WDR24: variants seen among roughly 807,000 people sequenced by gnomAD.
WDR24 encodes the protein WD repeat domain 24.
In WDR24, 32 loss-of-function variants were observed where a neutral mutation model predicts 66.7. That is an observed-to-expected ratio of 0.48 (90% CI 0.36 to 0.64). The LOEUF (loss-of-function observed/expected upper bound fraction) is 0.64, where lower values mean the gene tolerates loss of function less well. WDR24 is among the 30% of genes least tolerant of loss of function. The pLI is 0.00. For synonymous variants in WDR24, 565 were observed against 469.1 expected (o/e 1.20, Z -2.64); for missense variants, 978 against 1,144.1 (o/e 0.85, Z 2.09).
chr16:690,340 G>A lies in WDR24; in HGVS notation c.-700C>T. On this transcript the variant is annotated 5_prime_UTR_variant, in exon 1 of 9. Coordinates refer to ENST00000293883, the MANE Select transcript of WDR24 (RefSeq NM_032259.4). ...GCCCGGGGCAGCCCTTCTCCCCCGC[G>A]CGAACCCCAATCTTTTACTAAAAGC... is the stretch of plus-strand genomic sequence containing the variant. The A allele has an allele frequency of 2.2e-6, 1 of 456,366 alleles. No individual in the cohort carries two copies. The highest frequency in any genetic ancestry group is 1.5e-5 in the South Asian group (1 of 64,562). The allele number at this position is 456,366 out of a possible 1,614,324, so 28.3% of individuals were successfully genotyped here. A position where few individuals can be genotyped will look rare whatever the true frequency, so the allele number is the denominator to read the frequency against.
In WDR24 at chr16:685,432, G is replaced by C; in HGVS notation, c.1844C>G (p.Ser615Trp). 6.2e-7 allele frequency: 1 copy of C among 1,610,532 alleles called. No homozygotes were observed. ...ASLAPVDSSF[S>W]LLSVSHALYD... is the part of the protein sequence containing the mutation. Reference sequence around the variant, plus strand: ...GAGCGCGTGTGAGACAGACAGGAGCGAGAAGGAGGAGTCCACGGGGGCCAG... The same window carrying C: ...GAGCGCGTGTGAGACAGACAGGAGCCAGAAGGAGGAGTCCACGGGGGCCAG... Residue 615 changes from serine (S) to tryptophan (W), a missense_variant, in exon 7 of 9, where the codon TCG (serine) becomes TGG (tryptophan). Ser to Trp is a radical substitution (Grantham distance 177). Coordinates refer to ENST00000293883, the MANE Select transcript of WDR24 (RefSeq NM_032259.4).
At chr16:688,272 C>T (rs896929885) in intron 1 of WDR24, among the ~76,000 whole-genome samples, 9 of 152,100 alleles carry the variant, frequency 5.9e-5, no homozygotes, top group South Asian at 2.1e-4. Context: ...CCTCCAGGGC[C>T]CTGCAGGGGA....
At position 686,171 on chromosome 16, in the gene WDR24, TCCA is replaced by T; in HGVS notation, c.1345_1347del (p.Trp449del). Reference sequence around the variant, plus strand: ...CTGCAGTAGATGATCCGCAGCATGGTCCACGTTTGCGCCACCTAGGGGCGGGCA... The same window carrying T: ...CTGCAGTAGATGATCCGCAGCATGGTCGTTTGCGCCACCTAGGGGCGGGCA... On this transcript the variant is annotated inframe_deletion, in exon 4 of 9. Coordinates refer to ENST00000293883, the MANE Select transcript of WDR24 (RefSeq NM_032259.4). The T allele has an allele frequency of 2.5e-6, 4 of 1,612,840 alleles. No individual in the cohort carries two copies. The highest frequency in any genetic ancestry group is 3.4e-6 in the Non-Finnish European group (4 of 1,179,948).
Position 687,658 on chromosome 16 carries a change from A to G in WDR24, c.563T>C (p.Val188Ala), listed in dbSNP as rs781286465. ...GGGACGCCGGATGTCCCAGAGCTGC[A>G]CATTGCCGTTCTCAAAGGTGGAGGC... ...TFASTFENGN[V>A]QLWDIRRPDR... The change falls in exon 2 of 9, where the codon GTG (valine) becomes GCG (alanine). Residue 188 changes from valine (V) to alanine (A), a missense_variant. Val to Ala is a moderately conservative substitution (Grantham distance 64). This residue lies in a region of WDR24 where 302 missense variants were observed against 526.6 expected (regional missense o/e 0.57). Coordinates refer to ENST00000293883, the MANE Select transcript of WDR24 (RefSeq NM_032259.4). 1 of 1,613,664 alleles carries G rather than the reference A, an allele frequency of 6.2e-7. No homozygotes were observed. The highest frequency in any genetic ancestry group is 1.7e-5 in the Admixed American group (1 of 60,022).
chr16:688,309 C>T lies in WDR24; in HGVS notation c.482-570G>A, dbSNP rs767054390. ...GCAGCTCAGGATCTGTCTTTTTAGA[C>T]GGAGTCTCCCTCTGTCACCCAGGCT... On this transcript the variant is annotated intron_variant, in intron 1 of 8. Coordinates refer to ENST00000293883, the MANE Select transcript of WDR24 (RefSeq NM_032259.4). Among the ~76,000 whole-genome samples, 123 of 152,148 alleles carry T rather than the reference C, an allele frequency of 8.1e-4. 1 individual carries two copies. Among genetic ancestry groups the T allele is most frequent in the Non-Finnish European group, 1.5e-3 (101 of 68,004 alleles).
chr16:687,930 A>C, intron 1 of WDR24, 191 bp from the exon 2 acceptor site: 1 of 741,828 alleles, frequency 1.3e-6, no homozygotes, highest in Non-Finnish European at 2.4e-6. Flanking sequence ...TGGGCCCGGG[A>C]GCAGGACACC....
Position 685,883 on chromosome 16 carries a change from A to G in WDR24, c.1559T>C (p.Leu520Pro). 6.2e-7 allele frequency: 1 copy of G among 1,612,650 alleles called. No homozygotes were observed. The highest frequency in any genetic ancestry group is 8.5e-7 in the Non-Finnish European group (1 of 1,179,868). ...CCCCAGCCTACCCTCATTGGTGATG[A>G]GTGTGGCCGAGGAGTCGAGCAGAAC... ...DTVLLDSSAT[L>P]ITNEDNEETE... The change falls in exon 5 of 9, where the codon CTC becomes CCC. Residue 520 changes from leucine to proline, a missense_variant. Physicochemically the swap from Leu to Pro is moderately conservative, Grantham distance 98. Coordinates refer to ENST00000293883, the MANE Select transcript of WDR24 (RefSeq NM_032259.4).
In WDR24 at chr16:684,861, A is replaced by G. The variant is rs2039866360; in HGVS notation, c.2246T>C (p.Val749Ala). The part of the protein sequence containing the change: ...CASMCAVCHH[V>A]VKGLFVWCQG... Reference sequence around the variant, plus strand: ...GCACCACACGAAGAGACCCTTGACTACGTGGTGGCAGACGGCACACATGCT... The same window carrying G: ...GCACCACACGAAGAGACCCTTGACTGCGTGGTGGCAGACGGCACACATGCT... Residue 749 changes from valine (V) to alanine (A), a missense_variant, in exon 9 of 9, where the codon GTA becomes GCA. By Grantham distance (64) the Val-to-Ala change is moderately conservative. Transcript: ENST00000293883. The G allele has an allele frequency of 7.5e-7, 1 of 1,340,652 alleles. No homozygotes were observed. Among genetic ancestry groups the G allele is most frequent in the Non-Finnish European group, 9.8e-7 (1 of 1,016,404 alleles). 83.0% of individuals were successfully genotyped at this position (1,340,652 alleles called of 1,614,324 possible).
Position 689,851 on chromosome 16 carries a change from TC to T in WDR24, c.-212del. The T allele has an allele frequency of 1.2e-6, 1 of 800,670 alleles. No individual in the cohort carries two copies. Among genetic ancestry groups the T allele is most frequent in the Non-Finnish European group, 2.1e-6 (1 of 477,352 alleles). The allele number at this position is 800,670 out of a possible 1,614,324, so 49.6% of individuals were successfully genotyped here. A position where few individuals can be genotyped will look rare whatever the true frequency, so the allele number is the denominator to read the frequency against. On this transcript the variant is annotated 5_prime_UTR_variant, in exon 1 of 9. It introduces an in-frame stop codon into an upstream open reading frame of the 5' UTR. Transcript: ENST00000293883. Reference sequence around the variant, plus strand: ...GCTCAAATTCACTGGAGTCTGTCAGTCCAGCCCATCACCCTGGCTGAGCGGT... The same window carrying T: ...GCTCAAATTCACTGGAGTCTGTCAGTCAGCCCATCACCCTGGCTGAGCGGT...
Position 685,950 on chromosome 16 carries a change from T to A in WDR24, c.1492A>T (p.Thr498Ser). 1 of 1,613,060 alleles carries A rather than the reference T, an allele frequency of 6.2e-7. No individual in the cohort carries two copies. Among genetic ancestry groups the A allele is most frequent in the South Asian group, 1.1e-5 (1 of 91,080 alleles). ...TCTCCTTTGCTGCGGTCCAGCCGCG[T>A]CTCACTGCCCAACCCTGGGGCCATA... ...KDMAPGLGSE[T>S]RLDRSKGDAR... The change falls in exon 5 of 9, where the codon ACG (threonine) becomes TCG (serine). Residue 498 changes from threonine (T) to serine (S), a missense_variant. Around this residue, in one of 2 missense-constraint regions of WDR24, gnomAD observed 676 missense variants for 617.5 expected, o/e 1.09. Transcript: ENST00000293883.
In WDR24 at chr16:685,041, A is replaced by C; in HGVS notation, c.2155T>G (p.Cys719Gly). ...CTCATGGGCCGCTTGCAGTGGCTGC[A>C]GTTGACGTGCAGGGTGGTGGAGGCC... ...NQASTTLHVNCSHCKRPMSSR... is the reference protein window; with the variant it reads ...NQASTTLHVNGSHCKRPMSSR... The change falls in exon 8 of 9, where the codon TGC becomes GGC. Residue 719 changes from cysteine (C) to glycine (G), a missense_variant. By Grantham distance (159) the Cys-to-Gly change is radical. This residue lies in a region of WDR24 where 676 missense variants were observed against 617.5 expected (regional missense o/e 1.09). Coordinates refer to ENST00000293883, the MANE Select transcript of WDR24 (RefSeq NM_032259.4). 1 of 1,557,920 alleles carries C rather than the reference A, an allele frequency of 6.4e-7. No individual in the cohort carries two copies. The highest frequency in any genetic ancestry group is 2.4e-5 in the East Asian group (1 of 41,700).
At position 684,892 on chromosome 16, in the gene WDR24, A is replaced by G; in HGVS notation, c.2215T>C (p.Cys739Arg). The change falls in exon 9 of 9, where the codon TGC (cysteine) becomes CGC (arginine). Residue 739 changes from cysteine (C) to arginine (R), a missense_variant. Physicochemically the swap from Cys to Arg is radical, Grantham distance 180. Around this residue, in one of 2 missense-constraint regions of WDR24, gnomAD observed 676 missense variants for 617.5 expected, o/e 1.09. Transcript: ENST00000293883. ...TGGCAGACGGCACACATGCTGGCGCAGCGGTGGCACCTGGGGGCGGGCGGG... is the reference window on the plus strand; with the variant it reads ...TGGCAGACGGCACACATGCTGGCGCGGCGGTGGCACCTGGGGGCGGGCGGG... ...RGWVCDRCHR[C>R]ASMCAVCHHV... 4.2e-6 allele frequency: 2 copies of G among 476,746 alleles called. No individual in the cohort carries two copies. The highest frequency in any genetic ancestry group is 7.1e-6 in the Non-Finnish European group (2 of 280,910). The allele number at this position is 476,746 out of a possible 1,614,324, so 29.5% of individuals were successfully genotyped here. A position where few individuals can be genotyped will look rare whatever the true frequency, so the allele number is the denominator to read the frequency against.
Position 685,414 on chromosome 16 carries a change from T to G in WDR24, c.1862A>C (p.His621Pro). Residue 621 changes from histidine (H) to proline (P), a missense_variant, in exon 7 of 9, where the codon CAC becomes CCC. By Grantham distance (77) the His-to-Pro change is moderately conservative. This residue lies in a region of WDR24 where 676 missense variants were observed against 617.5 expected (regional missense o/e 1.09). Transcript: ENST00000293883. ...CGGCAGGCGGCTGTCGTAGAGCGCG[T>G]GTGAGACAGACAGGAGCGAGAAGGA... ...DSSFSLLSVS[H>P]ALYDSRLPPD... 6.2e-7 allele frequency: 1 copy of G among 1,612,404 alleles called. No individual in the cohort carries two copies. Among genetic ancestry groups the G allele is most frequent in the Non-Finnish European group, 8.5e-7 (1 of 1,179,646 alleles).
rs201523704 is a variant in WDR24, at chr16:686,724, C to T, written c.1332+20G>A. 2 of 1,569,762 alleles carry T rather than the reference C, an allele frequency of 1.3e-6. No individual in the cohort carries two copies. The highest frequency in any genetic ancestry group is 1.8e-5 in the Admixed American group (1 of 56,202). On this transcript the variant is annotated intron_variant, in intron 3 of 8. Transcript: ENST00000293883. ...CCTGAGGTCGTGGCCCAGGGACCCC[C>T]AGGCTCAGCACCTACCTACCTGGTT...
At position 690,305 on chromosome 16, in the gene WDR24, G is replaced by A. The variant is rs964553245; in HGVS notation, c.-665C>T. On this transcript the variant is annotated 5_prime_UTR_variant, in exon 1 of 9. Coordinates refer to ENST00000293883, the MANE Select transcript of WDR24 (RefSeq NM_032259.4). The stretch of plus-strand genomic sequence containing the variant: ...CGGGGGAGCGGACGCTGCGGGACGA[G>A]AACCAGAGGGCCCGGGGCAGCCCTT... The A allele has an allele frequency of 3.3e-4, 147 of 450,486 alleles. No homozygotes were observed. In the Admixed American group the frequency reaches 3.5e-3, roughly 11 times the overall value. The allele number at this position is 450,486 out of a possible 1,614,324, so 27.9% of individuals were successfully genotyped here.
At position 685,594 on chromosome 16, in the gene WDR24, T is replaced by C; in HGVS notation, c.1682A>G (p.Glu561Gly). Residue 561 changes from glutamate (E) to glycine (G), a missense_variant, in exon 7 of 9, where the codon GAG becomes GGG. By Grantham distance (98) the Glu-to-Gly change is moderately conservative (BLOSUM62 -2). Around this residue, in one of 2 missense-constraint regions of WDR24, gnomAD observed 676 missense variants for 617.5 expected, o/e 1.09. Transcript: ENST00000293883. ...YLLDPEHAHP[E>G]DPECVLPQEA... ...CTGCGGCAGCACGCACTCAGGGTCC[T>C]CGGCTGGAAGGCAGGGACCAGCGGA... 1.3e-6 allele frequency: 2 copies of C among 1,599,964 alleles called. No individual in the cohort carries two copies. Among genetic ancestry groups the C allele is most frequent in the East Asian group, 2.2e-5 (1 of 44,632 alleles).
Position 686,136 on chromosome 16 carries a change from T to C in WDR24, c.1383A>G (p.Leu461=), listed in dbSNP as rs1326855219. Residue 461 remains leucine, a synonymous_variant, in exon 4 of 9, where the codon CTA becomes CTG. Coordinates refer to ENST00000293883, the MANE Select transcript of WDR24 (RefSeq NM_032259.4). Reference sequence around the variant, plus strand: ...TGTGGTTGAGGTTTGCAGTGGGCACTAGGCCAGGGCTGCAGTAGATGATCC... The same window carrying C: ...TGTGGTTGAGGTTTGCAGTGGGCACCAGGCCAGGGCTGCAGTAGATGATCC... The part of the protein sequence containing the change: ...MLRIIYCSPG[L]VPTANLNHSV... 1.2e-6 allele frequency: 2 copies of C among 1,613,064 alleles called. No homozygotes were observed. The highest frequency in any genetic ancestry group is 3.3e-5 in the Admixed American group (2 of 59,998).
chr16:687,925 C>T, intron 1 of WDR24, 186 bp from the exon 2 acceptor site: 1 of 769,722 alleles, frequency 1.3e-6, no homozygotes, highest in Non-Finnish European at 2.2e-6. Context: ...GAGCCTGGGC[C>T]CGGGAGCAGG....
intron 3 of WDR24, 100 bp from the exon 4 acceptor site, chr16:686,286 G>T: frequency 4.4e-6 from 6 of 1,358,212 alleles, no homozygotes; most frequent in Non-Finnish European, 6.0e-6. Context: ...GCATTCAGCT[G>T]CCCTCAGTAC....
Sources: gnomAD v4.1 joint callset for allele counts (sites outside exome capture counted in the v4.1 genomes callset) on GRCh38, gnomAD v4.1.1 for gene constraint, gnomAD v4.1.1 regional missense constraint, MANE v1.5 for transcripts, NCBI Gene and HGNC (gene_info 2026-07-23, HGNC 2026-07-21) for gene names.